Variants in FOCAD observed in about 807,000 individuals in gnomAD.
FOCAD encodes the protein focadhesin, also known as KIAA1797.
A neutral mutation model predicts 225.6 loss-of-function variants in FOCAD; 198 were observed. The observed-to-expected ratio is 0.88, with a 90% CI of 0.78 to 0.99. The LOEUF (loss-of-function observed/expected upper bound fraction) is 0.99. FOCAD is among the 50% of genes least tolerant of loss of function. The probability of loss-of-function intolerance (pLI) is 0.00; values close to 1 mark genes in which losing one functional copy is unlikely to be tolerated. For synonymous variants in FOCAD, 897 were observed against 755.0 expected (o/e 1.19, Z -3.08); for missense variants, 2,713 against 2,123.6 (o/e 1.28, Z -5.46).
intron 2 of FOCAD, among the ~76,000 whole-genome samples, chr9:20,674,818 G>A (rs1398718153): frequency 6.6e-6 from 1 of 152,144 alleles, no homozygotes; most frequent in Non-Finnish European, 1.5e-5. Context: ...CTTTTCTTCT[G>A]CCCCATGGTT....
chr9:20,995,679 A>T lies in FOCAD; in HGVS notation c.*50A>T. ...TTCTCAGCTGGATGAGGAAAACCATATAAGTGGAAGAAGTTTTTCAGAATT... is the reference window on the plus strand; with the variant it reads ...TTCTCAGCTGGATGAGGAAAACCATTTAAGTGGAAGAAGTTTTTCAGAATT... On this transcript the variant is annotated 3_prime_UTR_variant, in exon 44 of 44. Coordinates refer to ENST00000338382, the MANE Select transcript of FOCAD (RefSeq NM_001375567.1). 6.5e-7 allele frequency: 1 copy of T among 1,540,206 alleles called. No individual in the cohort carries two copies. The highest frequency in any genetic ancestry group is 9.0e-7 in the Non-Finnish European group (1 of 1,114,898).
chr9:20,816,339 C>T (rs913315828), intron 11 of FOCAD, among the ~76,000 whole-genome samples: 2 of 152,102 alleles, frequency 1.3e-5, no homozygotes, highest in South Asian at 2.1e-4. Flanking sequence ...GTTGAGATCA[C>T]TGTAAGCCAA....
chr9:20,995,752 A>T lies in FOCAD; in HGVS notation c.*123A>T. The T allele has an allele frequency of 1.3e-6, 1 of 794,614 alleles. No individual in the cohort carries two copies. The highest frequency in any genetic ancestry group is 1.7e-5 in the South Asian group (1 of 58,738). The allele number at this position is 794,614 out of a possible 1,614,324, so 49.2% of individuals were successfully genotyped here. Reference sequence around the variant, plus strand: ...TGATGCAGAGAGTTAAGGGTCATGAAAAGATGGCCACATCACTGACAGCTT... The same window carrying T: ...TGATGCAGAGAGTTAAGGGTCATGATAAGATGGCCACATCACTGACAGCTT... On this transcript the variant is annotated 3_prime_UTR_variant, in exon 44 of 44. Coordinates refer to ENST00000338382, the MANE Select transcript of FOCAD (RefSeq NM_001375567.1).
intron 10 of FOCAD, among the ~76,000 whole-genome samples, chr9:20,783,846 T>G (rs1053923814): frequency 6.6e-5 from 10 of 152,156 alleles, no homozygotes; most frequent in African/African-American, 2.4e-4. Context: ...ATTCAGTATA[T>G]GAGTCAGATT....
At position 20,988,320 on chromosome 9, in the gene FOCAD, T is replaced by G; in HGVS notation, c.4907-12T>G. ...ACCATGGTCTAGTAAGAAAATACCC[T>G]TTTCATTTCAGGCGTTTTGAAGAGA... On this transcript the variant is annotated splice_polypyrimidine_tract_variant and intron_variant, in intron 40 of 43. Transcript: ENST00000338382. The G allele has an allele frequency of 6.4e-7, 1 of 1,561,580 alleles. No homozygotes were observed. Among genetic ancestry groups the G allele is most frequent in the Non-Finnish European group, 8.8e-7 (1 of 1,138,574 alleles).
At chr9:20,761,355 T>A (rs1444821562) in intron 6 of FOCAD, among the ~76,000 whole-genome samples, 1 of 152,184 alleles carries the variant, frequency 6.6e-6, no homozygotes, top group Non-Finnish European at 1.5e-5. Context: ...AGAGCAACAT[T>A]AAACGACTTA....
At chr9:20,941,720 A>G (rs1054826641) in intron 28 of FOCAD, among the ~76,000 whole-genome samples, 1 of 152,232 alleles carries the variant, frequency 6.6e-6, no homozygotes. Context: ...TAGAACATTT[A>G]TGTTAGCAAC....
chr9:20,972,449 G>A (rs1839848433), intron 35 of FOCAD, among the ~76,000 whole-genome samples: 1 of 151,900 alleles, frequency 6.6e-6, no homozygotes, highest in South Asian at 2.1e-4. Context: ...ATCATCTTTG[G>A]GAAAATGTCT....
At chr9:20,755,899 A>G (rs1005200850) in intron 5 of FOCAD, among the ~76,000 whole-genome samples, 5 of 152,174 alleles carry the variant, frequency 3.3e-5, no homozygotes, top group South Asian at 2.1e-4. Context: ...GCCTCCAGCA[A>G]TTCTCCAGCC....
chr9:20,971,957 A>C (rs896643414), intron 35 of FOCAD, among the ~76,000 whole-genome samples: 1 of 152,094 alleles, frequency 6.6e-6, no homozygotes, highest in Admixed American at 6.6e-5. Context: ...ATAATGTTCC[A>C]TGTTATGTAT....
chr9:20,977,662 A>G (rs1283235180), intron 36 of FOCAD, among the ~76,000 whole-genome samples: 2 of 152,206 alleles, frequency 1.3e-5, no homozygotes, highest in African/African-American at 4.8e-5. Context: ...AACAACTTCT[A>G]TACTGTAATT....
chr9:20,920,978 AAAAT>A (rs917613120), intron 24 of FOCAD, among the ~76,000 whole-genome samples: 17 of 151,452 alleles, frequency 1.1e-4, no homozygotes, highest in East Asian at 7.7e-4. Context: ...ATAAAATTAA[AAAAT>A]AAATAAATAA....
chr9:20,706,234 C>A (rs1245904686), intron 1 of FOCAD, among the ~76,000 whole-genome samples: 1 of 151,976 alleles, frequency 6.6e-6, no homozygotes, highest in South Asian at 2.1e-4. Context: ...CGTGCCTGGC[C>A]AAGTTTGTAG....
At chr9:20,848,645 G>GT (rs1827355104) in intron 15 of FOCAD, among the ~76,000 whole-genome samples, 1 of 151,842 alleles carries the variant, frequency 6.6e-6, no homozygotes, top group Middle Eastern at 3.2e-3. Context: ...AGAAAAGAAG[G>GT]TTAAAAATCA....
chr9:20,978,001 A>T (rs1840363026), intron 36 of FOCAD, among the ~76,000 whole-genome samples: 1 of 152,188 alleles, frequency 6.6e-6, no homozygotes, highest in African/African-American at 2.4e-5. Flanking sequence ...TGCATATGAG[A>T]TGGAGAGAAG....
At chr9:20,665,074 C>T (rs900348465) in intron 2 of FOCAD, among the ~76,000 whole-genome samples, 6 of 151,924 alleles carry the variant, frequency 3.9e-5, no homozygotes, top group African/African-American at 1.2e-4. Context: ...TAGAGTACTC[C>T]AGTATGGGGG....
intron 9 of FOCAD, among the ~76,000 whole-genome samples, chr9:20,781,525 A>G (rs944011380): frequency 6.6e-6 from 1 of 152,320 alleles, no homozygotes; most frequent in Non-Finnish European, 1.5e-5. Flanking sequence ...TCAGTTATAT[A>G]TGTTAACAGC....
At chr9:20,987,216 A>AAC (rs1230860455) in intron 40 of FOCAD, among the ~76,000 whole-genome samples, 5 of 152,194 alleles carry the variant, frequency 3.3e-5, no homozygotes, top group Admixed American at 6.5e-5. Flanking sequence ...AAAACTGACA[A>AAC]ACACGATTGT....
At chr9:20,888,416 C>T (rs890597500) in intron 21 of FOCAD, among the ~76,000 whole-genome samples, 13 of 151,980 alleles carry the variant, frequency 8.6e-5, no homozygotes, top group African/African-American at 3.1e-4. Context: ...GAATTACAGG[C>T]GTGAGCCACT....
Sources: gnomAD v4.1 joint callset for allele counts (sites outside exome capture counted in the v4.1 genomes callset) on GRCh38, gnomAD v4.1.1 for gene constraint, MANE v1.5 for transcripts, NCBI Gene and HGNC (gene_info 2026-07-23, HGNC 2026-07-21) for gene names.